Variants in LYST observed in about 807,000 individuals in gnomAD.
LYST encodes the protein lysosomal-trafficking regulator.
Under a neutral mutation model 413.6 loss-of-function variants are expected in LYST, and 192 were observed. The ratio of observed to expected loss-of-function variants is 0.46; its 90% CI spans 0.41 to 0.52. The LOEUF is 0.52. LYST is among the 20% of genes least tolerant of loss of function. LYST has a pLI of 0.00. For missense variants in LYST, 3,815 were observed against 4,499.9 expected, an observed-to-expected ratio of 0.85 and a Z score of 4.35; for synonymous variants, 1,525 against 1,567.3, an observed-to-expected ratio of 0.97 and a Z score of 0.64.
intron 48 of LYST, among the ~76,000 whole-genome samples, chr1:235,681,317 G>A (rs553069993): frequency 6.6e-6 from 1 of 152,308 alleles, no homozygotes; most frequent in South Asian, 2.1e-4. Flanking sequence ...GAGCAGGGTA[G>A]GTAGGGAGCA....
Position 235,808,466 on chromosome 1 carries a change from C to T in LYST, c.2352G>A (p.Leu784=), listed in dbSNP as rs773649708. 3 of 1,612,940 alleles carry T rather than the reference C, an allele frequency of 1.9e-6. No individual in the cohort carries two copies. The highest frequency in any genetic ancestry group is 2.2e-5 in the South Asian group (2 of 91,012). ...LQIYVKTLPI[L]LKSRVIRDLF... The stretch of plus-strand genomic sequence containing the variant: ...ACACACATACAAACCTGGATTTAAG[C>T]AGGATAGGCAGAGTTTTTACATAAA... The change falls in exon 5 of 53, where the codon CTG becomes CTA. Residue 784 remains leucine, a synonymous_variant. Coordinates refer to ENST00000389793, the MANE Select transcript of LYST (RefSeq NM_000081.4).
chr1:235,727,984 A>G (rs973215268), intron 38 of LYST, 92 bp downstream of exon 38: 2 of 923,170 alleles, frequency 2.2e-6, no homozygotes, highest in Non-Finnish European at 1.8e-6. Flanking sequence ...AATGAACTCT[A>G]ATAGTTCTTC....
chr1:235,761,219 G>C (rs1217154605), intron 22 of LYST, among the ~76,000 whole-genome samples: 1 of 152,148 alleles, frequency 6.6e-6, no homozygotes, highest in African/African-American at 2.4e-5. Flanking sequence ...AACAAAACTA[G>C]AGACTAATAC....
Position 235,805,792 on chromosome 1 carries a change from T to C in LYST, c.3344A>G (p.His1115Arg), listed in dbSNP as rs748827565. The C allele has an allele frequency of 1.9e-6, 3 of 1,613,530 alleles. No homozygotes were observed. Among genetic ancestry groups the C allele is most frequent in the South Asian group, 2.2e-5 (2 of 91,074 alleles). ...CTTCTGTTGACTAGTTCTGGCACCA[T>C]GAAGACAAATGGCCAGAAGGGCTTC... ...LLEALLAICL[H>R]GARTSQQKME... The change falls in exon 6 of 53, where the codon CAT becomes CGT. Residue 1115 changes from histidine (H) to arginine (R), a missense_variant. This residue lies in a region of LYST where 1,648 missense variants were observed against 1,810.3 expected (regional missense o/e 0.91). Transcript: ENST00000389793.
chr1:235,676,384 AG>A (rs1369575554), intron 50 of LYST, among the ~76,000 whole-genome samples: 8 of 152,184 alleles, frequency 5.3e-5, no homozygotes, highest in Non-Finnish European at 4.4e-5. Context: ...CACTTGTGCG[AG>A]GTGACACATA....
rs2103416217 is a variant in LYST at position 235,770,213 on chromosome 1, A to G, written c.5869T>C (p.Leu1957=). The G allele has an allele frequency of 6.2e-7, 1 of 1,613,788 alleles. No homozygotes were observed. Residue 1957 remains leucine, a synonymous_variant, in exon 20 of 53, where the codon TTA becomes CTA. Coordinates refer to ENST00000389793, the MANE Select transcript of LYST (RefSeq NM_000081.4). ...HHQQMFNIKQ[L]LKAQVVHHFL... ...TGATGAACCACTTGAGCTTTCAATA[A>G]CTGCTTAATATTAAACATCTGCTGG...
chr1:235,715,132 G>C, intron 42 of LYST, 69 bp downstream of exon 42: 3 of 1,016,522 alleles, frequency 3.0e-6, no homozygotes, highest in Non-Finnish European at 4.3e-6. Context: ...TCAGTCCTAA[G>C]TTGTTGTTGT....
At chr1:235,745,965 C>T (rs1665881469) in intron 29 of LYST, among the ~76,000 whole-genome samples, 1 of 152,088 alleles carries the variant, frequency 6.6e-6, no homozygotes, top group African/African-American at 2.4e-5. Context: ...CTGACTGTAT[C>T]GATGTTACTC....
At chr1:235,775,161 A>G in intron 17 of LYST, 75 bp from the exon 18 acceptor site, 3 of 995,018 alleles carry the variant, frequency 3.0e-6, no homozygotes, top group South Asian at 1.3e-5. Flanking sequence ...ATAATCTTCC[A>G]TTCTGTAACA....
At chr1:235,725,459 A>AAAATAAC in intron 38 of LYST, among the ~76,000 whole-genome samples, 1 of 152,076 alleles carries the variant, frequency 6.6e-6, no homozygotes, top group African/African-American at 2.4e-5. Flanking sequence ...AACAAAATAA[A>AAAATAAC]AATAAAGAGG....
At chr1:235,695,608 G>C (rs1572016254) in intron 46 of LYST, among the ~76,000 whole-genome samples, 1 of 150,456 alleles carries the variant, frequency 6.6e-6, no homozygotes, top group Non-Finnish European at 1.5e-5. Context: ...GCTCAACAGA[G>C]AGAAACTTTA....
chr1:235,775,210 C>G (rs1669115751), intron 17 of LYST, 124 bp from the exon 18 acceptor site: 2 of 731,760 alleles, frequency 2.7e-6, no homozygotes, highest in Admixed American at 4.2e-5. Flanking sequence ...TTTTAATGCT[C>G]ATACTCTACC....
At chr1:235,868,846 C>G (rs1208885546), upstream of LYST, among the ~76,000 whole-genome samples, 1 of 152,064 alleles carries the variant, frequency 6.6e-6, no homozygotes, top group Non-Finnish European at 1.5e-5. Context: ...CAGGAATGTG[C>G]TACCATGCCC....
chr1:235,744,179 A>C, intron 29 of LYST, 22 bp from the exon 30 acceptor site: 1 of 1,320,690 alleles, frequency 7.6e-7, no homozygotes, highest in Non-Finnish European at 1.1e-6. Context: ...AAAAAAGAAT[A>C]CAAAATTAGT....
At position 235,731,060 on chromosome 1, in the gene LYST, A is replaced by G. The variant is rs1664336123; in HGVS notation, c.8919T>C (p.Tyr2973=). 6.2e-7 allele frequency: 1 copy of G among 1,613,676 alleles called. No homozygotes were observed. ...CTGATTTCTGTCTATCCCTAAGGAG[A>G]TACTTATTTGGAATAGTTAAATAAC... ...QRCYLTIPNK[Y]LLRDRQKSED... is the part of the protein sequence containing the mutation. The change falls in exon 35 of 53, where the codon TAT becomes TAC. Residue 2973 remains tyrosine, a synonymous_variant. Transcript: ENST00000389793.
intron 3 of LYST, among the ~76,000 whole-genome samples, chr1:235,818,990 C>T (rs1163752269): frequency 2.0e-5 from 3 of 152,174 alleles, no homozygotes; most frequent in Admixed American, 1.3e-4. Flanking sequence ...TGCTGTTCTC[C>T]CCCTCAAGAG....
rs1666479170 is a variant in LYST, at chr1:235,751,357, C to A, written c.7633G>T (p.Ala2545Ser). The A allele has an allele frequency of 6.2e-7, 1 of 1,613,068 alleles. No individual in the cohort carries two copies. Among genetic ancestry groups the A allele is most frequent in the Non-Finnish European group, 8.5e-7 (1 of 1,179,400 alleles). The change falls in exon 28 of 53, where the codon GCT becomes TCT. Residue 2545 changes from alanine (A) to serine (S), a missense_variant. By Grantham distance (99) the Ala-to-Ser change is moderately conservative. Transcript: ENST00000389793. ...AGAACTCTAAGCTGTAGTGCAACAGCCATATCTAAAAACAGAAGATACTAG... is the reference window on the plus strand; with the variant it reads ...AGAACTCTAAGCTGTAGTGCAACAGACATATCTAAAAACAGAAGATACTAG... ...NSKNKRTQNM[A>S]VALQLRVLQA...
At chr1:235,870,388 G>T (rs1453788197), upstream of LYST, among the ~76,000 whole-genome samples, 1 of 152,110 alleles carries the variant, frequency 6.6e-6, no homozygotes, top group Non-Finnish European at 1.5e-5. Flanking sequence ...TAAAGCAAAC[G>T]CTGAGCTGCA....
At position 235,700,523 on chromosome 1, in the gene LYST, G is replaced by A. The variant is rs371193855; in HGVS notation, c.10374+2224C>T. Among the ~76,000 whole-genome samples the A allele has an allele frequency of 6.6e-5, 10 of 152,306 alleles. No homozygotes were observed. In the East Asian group the frequency reaches 7.7e-4, roughly 12 times the overall value. On this transcript the variant is annotated intron_variant, in intron 45 of 52. Coordinates refer to ENST00000389793, the MANE Select transcript of LYST (RefSeq NM_000081.4). Reference sequence around the variant, plus strand: ...TTTTGAACTTCAATAGTGAACTGAAGTTCACACAAGCATACCTGGGTCATC... The same window carrying A: ...TTTTGAACTTCAATAGTGAACTGAAATTCACACAAGCATACCTGGGTCATC...
Sources: gnomAD v4.1 joint callset for allele counts (sites outside exome capture counted in the v4.1 genomes callset) on GRCh38, gnomAD v4.1.1 for gene constraint, gnomAD v4.1.1 regional missense constraint, MANE v1.5 for transcripts, NCBI Gene and HGNC (gene_info 2026-07-23, HGNC 2026-07-21) for gene names.